Variants in INTS15 observed in about 807,000 individuals in gnomAD.
INTS15 encodes the protein uncharacterized protein C7orf26.
chr7:6,602,196 G>C, the INTS15 span: 1 of 1,456,826 alleles, frequency 6.9e-7, no homozygotes, highest in South Asian at 1.2e-5. Flanking sequence ...GGTGGAGGGA[G>C]GCAAGACAGG....
At chr7:6,602,028 C>T in the INTS15 span, 1 of 1,355,204 alleles carries the variant, frequency 7.4e-7, no homozygotes, top group Non-Finnish European at 1.1e-6. Flanking sequence ...AGCATCCTTG[C>T]AAAGAACGTC....
At chr7:6,601,550 C>T in the INTS15 span, among the ~76,000 whole-genome samples, 1 of 152,160 alleles carries the variant, frequency 6.6e-6, no homozygotes, top group Non-Finnish European at 1.5e-5. Context: ...CCCGCCTCAG[C>T]CTCCCAAAAT....
the INTS15 span, chr7:6,602,803 A>G: frequency 6.4e-6 from 3 of 468,350 alleles, no homozygotes; most frequent in Admixed American, 7.1e-5. Context: ...GGGCCTTGCC[A>G]CTTCCAAAAG....
At chr7:6,599,856 T>C in the INTS15 span, 1 of 1,614,114 alleles carries the variant, frequency 6.2e-7, no homozygotes, top group East Asian at 2.2e-5. Flanking sequence ...ATGGACTTGC[T>C]TGAAATGATT....
At chr7:6,592,514 C>T in the INTS15 span, among the ~76,000 whole-genome samples, 13 of 151,728 alleles carry the variant, frequency 8.6e-5, no homozygotes, top group African/African-American at 3.1e-4. Flanking sequence ...TTGCCGTGAG[C>T]CGAGATTGTG....
the INTS15 span, among the ~76,000 whole-genome samples, chr7:6,605,669 CAG>C: frequency 6.6e-5 from 10 of 152,154 alleles, no homozygotes; most frequent in African/African-American, 9.6e-5. Flanking sequence ...TGGGGAAGGA[CAG>C]GGGGTCGCCT....
At chr7:6,601,966 T>C in the INTS15 span, 7 of 793,230 alleles carry the variant, frequency 8.8e-6, no homozygotes, top group Non-Finnish European at 1.5e-5. Context: ...TAGAACTCAG[T>C]TTCTAAATGA....
At chr7:6,608,310 G>A in the INTS15 span, 7 of 1,437,214 alleles carry the variant, frequency 4.9e-6, no homozygotes, top group Non-Finnish European at 6.4e-6. Context: ...GAGTCCAGGT[G>A]CTTCCCACCC....
the INTS15 span, chr7:6,591,954 T>G: frequency 6.4e-6 from 8 of 1,259,518 alleles, no homozygotes; most frequent in Admixed American, 9.5e-5. Context: ...GGCGGATCAC[T>G]TGAGGTCAGG....
At chr7:6,605,812 C>T in the INTS15 span, among the ~76,000 whole-genome samples, 1 of 151,952 alleles carries the variant, frequency 6.6e-6, no homozygotes, top group Non-Finnish European at 1.5e-5. Context: ...GATTCTCCTG[C>T]CTCAGCCTCC....
At chr7:6,607,884 A>G in the INTS15 span, 2 of 1,569,682 alleles carry the variant, frequency 1.3e-6, no homozygotes, top group Non-Finnish European at 8.6e-7. This position sits in a 1 kb window ranked among gnomAD's most constrained non-coding sequence, Gnocchi z 6.0. Flanking sequence ...GTGCGGGGGG[A>G]CGGGGTCAGC....
the INTS15 span, among the ~76,000 whole-genome samples, chr7:6,594,139 G>C: frequency 6.7e-6 from 1 of 149,536 alleles, no homozygotes; most frequent in Non-Finnish European, 1.5e-5. Context: ...CTTCCAAGTA[G>C]CTGGGATTAC....
the INTS15 span, among the ~76,000 whole-genome samples, chr7:6,593,034 G>C: frequency 6.6e-6 from 1 of 152,124 alleles, no homozygotes; most frequent in African/African-American, 2.4e-5. Context: ...TTTACCTGTG[G>C]CATCTCACCT....
the INTS15 span, among the ~76,000 whole-genome samples, chr7:6,596,354 G>A: frequency 6.9e-6 from 1 of 145,352 alleles, no homozygotes; most frequent in Non-Finnish European, 1.5e-5. Context: ...GCGCCCAGCC[G>A]AGCCTTCTTT....
At chr7:6,606,693 GCC>G in the INTS15 span, among the ~76,000 whole-genome samples, 2 of 128,398 alleles carry the variant, frequency 1.6e-5, no homozygotes, top group Non-Finnish European at 3.6e-5. Context: ...GCCCCAGAGG[GCC>G]TTTTTTTTTT....
At chr7:6,602,907 C>T in the INTS15 span, among the ~76,000 whole-genome samples, 5 of 152,182 alleles carry the variant, frequency 3.3e-5, no homozygotes, top group African/African-American at 1.2e-4. Flanking sequence ...GTCCCTCTTG[C>T]CTACCCCAGC....
At chr7:6,600,185 C>T in the INTS15 span, 28 of 1,614,088 alleles carry the variant, frequency 1.7e-5, no homozygotes, top group East Asian at 2.2e-5. Context: ...TCTGTATGGG[C>T]GCCTGGGGCT....
chr7:6,594,666 G>C, the INTS15 span: 1 of 1,469,642 alleles, frequency 6.8e-7, no homozygotes, highest in South Asian at 1.2e-5. Context: ...ATTTTCCACT[G>C]AATACCCAGG....
the INTS15 span, among the ~76,000 whole-genome samples, chr7:6,596,091 G>A: frequency 1.3e-5 from 2 of 149,944 alleles, no homozygotes; most frequent in East Asian, 1.9e-4. Context: ...TCCCTCTGTC[G>A]CCCAGGCTAG....
Sources: allele counts gnomAD v4.1 joint callset (sites outside exome capture counted in the v4.1 genomes callset), GRCh38; gene constraint gnomAD v4.1.1; non-coding constraint Gnocchi (gnomAD v3.1); transcripts MANE v1.5; gene names NCBI Gene and HGNC (gene_info 2026-07-23, HGNC 2026-07-21).